Variants in WWOX observed in about 807,000 individuals in gnomAD.
The protein encoded by WWOX is WW domain-containing oxidoreductase.
Under a neutral mutation model 46.2 loss-of-function variants are expected in WWOX, and 69 were observed. The observed-to-expected ratio is 1.49, with a 90% confidence interval of 1.23 to 1.82. WWOX has a LOEUF of 1.82. WWOX is among the 40% of genes most tolerant of loss of function. WWOX has a pLI of 0.00. For synonymous variants in WWOX, 359 were observed against 202.6 expected (o/e 1.77, Z -6.56); for missense variants, 919 against 542.6 (o/e 1.69, Z -6.89).
chr16:78,575,605 C>T (rs150921112), intron 8 of WWOX, among the ~76,000 whole-genome samples: 1,765 of 152,170 alleles, frequency 0.012, 33 homozygotes, highest in Middle Eastern at 0.048. Context: ...GTGCATTTGA[C>T]GCATATTTAA....
At chr16:79,163,125 T>G (rs1308126191) in intron 8 of WWOX, among the ~76,000 whole-genome samples, 1 of 152,130 alleles carries the variant, frequency 6.6e-6, no homozygotes, top group Non-Finnish European at 1.5e-5. Context: ...AGGAGATGGC[T>G]CATTGTGTGT....
At chr16:78,470,104 C>T (rs2084185476) in intron 8 of WWOX, among the ~76,000 whole-genome samples, 1 of 152,174 alleles carries the variant, frequency 6.6e-6, no homozygotes, top group African/African-American at 2.4e-5. Context: ...AAGTGGTAAC[C>T]CAGGGACTCA....
At chr16:78,594,625 A>G (rs993239443) in intron 8 of WWOX, among the ~76,000 whole-genome samples, 1 of 151,900 alleles carries the variant, frequency 6.6e-6, no homozygotes, top group East Asian at 1.9e-4. Flanking sequence ...CCAGAAAGGG[A>G]TGATAGCCCC....
chr16:78,353,400 G>T (rs184863173), intron 5 of WWOX, among the ~76,000 whole-genome samples: 1 of 152,174 alleles, frequency 6.6e-6, no homozygotes, highest in East Asian at 1.9e-4. Flanking sequence ...CCTTCCAGGG[G>T]TGTAAGCCAA....
intron 4 of WWOX, among the ~76,000 whole-genome samples, chr16:78,119,257 A>G (rs574658285): frequency 5.3e-5 from 8 of 152,320 alleles, no homozygotes; most frequent in African/African-American, 1.4e-4. Context: ...CAGCACGGTG[A>G]ACATTACATG....
intron 6 of WWOX, among the ~76,000 whole-genome samples, chr16:78,389,466 G>A (rs1259704081): frequency 6.6e-6 from 1 of 152,148 alleles, no homozygotes; most frequent in Non-Finnish European, 1.5e-5. Context: ...GTGGTTGTTT[G>A]GGAGGGAATG....
chr16:78,770,835 C>A (rs542883720), intron 8 of WWOX, among the ~76,000 whole-genome samples: 1 of 152,356 alleles, frequency 6.6e-6, no homozygotes, highest in African/African-American at 2.4e-5. Flanking sequence ...GCTAAATGTG[C>A]CTGGTACTGA....
intron 8 of WWOX, among the ~76,000 whole-genome samples, chr16:78,706,618 A>G (rs1223633534): frequency 2.0e-5 from 3 of 152,144 alleles, no homozygotes; most frequent in African/African-American, 7.2e-5. Context: ...TCCCAAGAAA[A>G]TAGTTTTTTT....
intron 5 of WWOX, among the ~76,000 whole-genome samples, chr16:78,319,288 TTTTCTTA>T (rs1413136873): frequency 2.7e-5 from 4 of 148,654 alleles, no homozygotes; most frequent in Non-Finnish European, 6.0e-5. Context: ...CGTTTTACTA[TTTTCTTA>T]TTTATTTTTG....
At chr16:78,886,639 C>CATATATATATATATATATATATATAT (rs3085495) in intron 8 of WWOX, among the ~76,000 whole-genome samples, 2 of 144,842 alleles carry the variant, frequency 1.4e-5, no homozygotes, top group African/African-American at 2.5e-5. Flanking sequence ...CAAAGAAAAA[C>CATATATATATATATATATATATATAT]ATATATATAT....
chr16:78,408,596 T>C (rs1050957306), intron 6 of WWOX, among the ~76,000 whole-genome samples: 4 of 152,218 alleles, frequency 2.6e-5, no homozygotes, highest in African/African-American at 2.4e-5. Flanking sequence ...CTTGATCTCC[T>C]GTCCTACGTA....
At chr16:78,218,259 A>G (rs1459957416) in intron 5 of WWOX, among the ~76,000 whole-genome samples, 1 of 151,924 alleles carries the variant, frequency 6.6e-6, no homozygotes, top group African/African-American at 2.4e-5. Context: ...GTGTGTTTAT[A>G]TATATATATT....
At chr16:79,052,847 C>T (rs1393673106) in intron 8 of WWOX, among the ~76,000 whole-genome samples, 2 of 152,054 alleles carry the variant, frequency 1.3e-5, no homozygotes, top group South Asian at 4.1e-4. Context: ...TTCTAACAAT[C>T]ATATTGCTTA....
At chr16:78,754,863 TACTC>T (rs1356147307) in intron 8 of WWOX, among the ~76,000 whole-genome samples, 13 of 152,148 alleles carry the variant, frequency 8.5e-5, no homozygotes, top group Non-Finnish European at 1.3e-4. Context: ...GGTGATAACT[TACTC>T]ACAGTCTGTG....
intron 8 of WWOX, among the ~76,000 whole-genome samples, chr16:79,177,890 A>G (rs1285203364): frequency 6.6e-6 from 1 of 152,226 alleles, no homozygotes; most frequent in Non-Finnish European, 1.5e-5. Flanking sequence ...TATAAATAAC[A>G]GAAATGTAAT....
At chr16:78,370,484 G>A (rs1227514461) in intron 5 of WWOX, among the ~76,000 whole-genome samples, 1 of 103,052 alleles carries the variant, frequency 9.7e-6, no homozygotes, top group Non-Finnish European at 2.0e-5. Context: ...TATGCTGGGG[G>A]TATCTACGAT....
chr16:78,648,213 T>A (rs1415325973), intron 8 of WWOX, among the ~76,000 whole-genome samples: 1 of 152,152 alleles, frequency 6.6e-6, no homozygotes, highest in Admixed American at 6.5e-5. Flanking sequence ...ACCTTTTTCC[T>A]CTCTAATTCA....
At chr16:78,340,282 C>T (rs57563637) in intron 5 of WWOX, among the ~76,000 whole-genome samples, 2,379 of 116,208 alleles carry the variant, frequency 0.02, 560 homozygotes, top group African/African-American at 0.067. Flanking sequence ...CTGCAACCTC[C>T]ACCTCCCAGG....
At chr16:78,376,309 T>C (rs1481591374) in intron 5 of WWOX, among the ~76,000 whole-genome samples, 1 of 152,226 alleles carries the variant, frequency 6.6e-6, no homozygotes, top group Non-Finnish European at 1.5e-5. Flanking sequence ...TAATGAATGA[T>C]TGAACATTCT....
Sources: allele counts gnomAD v4.1 joint callset (sites outside exome capture counted in the v4.1 genomes callset), GRCh38; gene constraint gnomAD v4.1.1; transcripts MANE v1.5; gene names NCBI Gene and HGNC (gene_info 2026-07-23, HGNC 2026-07-21).